The following BTC variants were observed in gnomAD, a reference collection of about 807,000 sequenced individuals.
BTC encodes the protein probetacellulin.
BTC carries 13 observed loss-of-function variants against 18.1 expected under a neutral mutation model. The observed-to-expected ratio is 0.72, with a 90% CI of 0.47 to 1.14. The LOEUF (loss-of-function observed/expected upper bound fraction) is 1.14. Among genes scored for constraint, BTC ranks in the 50% most tolerant of loss-of-function variants. BTC has a pLI of 0.00. For synonymous variants in BTC, 83 were observed against 79.4 expected (o/e 1.05, Z -0.24); for missense variants, 247 against 224.2 (o/e 1.10, Z -0.65).
At chr4:74,781,671 C>T (rs1725335446) in intron 1 of BTC, among the ~76,000 whole-genome samples, 1 of 150,736 alleles carries the variant, frequency 6.6e-6, no homozygotes, top group East Asian at 1.9e-4. Context: ...ATGTGTGCCA[C>T]AAATAATCTA....
chr4:74,765,476 C>A (rs769047304), intron 2 of BTC, among the ~76,000 whole-genome samples: 1 of 151,948 alleles, frequency 6.6e-6, no homozygotes, highest in African/African-American at 2.4e-5. Flanking sequence ...AGTGAAAAAG[C>A]TTAAAGGACT....
chr4:74,764,847 G>A (rs1724854933), intron 2 of BTC, among the ~76,000 whole-genome samples: 1 of 152,044 alleles, frequency 6.6e-6, no homozygotes, highest in Non-Finnish European at 1.5e-5. Flanking sequence ...ACTTATAAAG[G>A]AAAGAAGTTT....
At chr4:74,755,312 G>T (rs1424536183) in intron 3 of BTC, among the ~76,000 whole-genome samples, 1 of 152,148 alleles carries the variant, frequency 6.6e-6, no homozygotes, top group African/African-American at 2.4e-5. Context: ...GATGCAAAAA[G>T]AAATTTGTGT....
intron 1 of BTC, among the ~76,000 whole-genome samples, chr4:74,785,295 T>C (rs1341515698): frequency 6.6e-6 from 1 of 152,166 alleles, no homozygotes; most frequent in African/African-American, 2.4e-5. Context: ...TCTGATTGTG[T>C]TTATTTGATT....
chr4:74,767,602 C>T (rs929593152), intron 2 of BTC, among the ~76,000 whole-genome samples: 2 of 151,748 alleles, frequency 1.3e-5, no homozygotes, highest in African/African-American at 2.4e-5. Context: ...CTACAAAGGA[C>T]CCTGGATAGC....
intron 1 of BTC, among the ~76,000 whole-genome samples, chr4:74,789,021 ATC>A (rs1560726683): frequency 1.3e-5 from 2 of 152,238 alleles, no homozygotes; most frequent in African/African-American, 4.8e-5. Context: ...AAAAGTTCAC[ATC>A]AAGATCTCTG....
chr4:74,770,112 T>G lies in BTC; in HGVS notation c.109A>C (p.Arg37=). Residue 37 remains arginine, a synonymous_variant, in exon 2 of 6, where the codon AGA becomes CGA. Transcript: ENST00000395743. Reference sequence around the variant, plus strand: ...AGGAGGCCATTAGTTTCAGGACTTCTGGTGGAATTCCCATCTGCCACCACA... The same window carrying G: ...AGGAGGCCATTAGTTTCAGGACTTCGGGTGGAATTCCCATCTGCCACCACA... The part of the protein sequence containing the change: ...HCVVADGNST[R]SPETNGLLCG... 1 of 1,613,428 alleles carries G rather than the reference T, an allele frequency of 6.2e-7. No homozygotes were observed. Among genetic ancestry groups the G allele is most frequent in the Non-Finnish European group, 8.5e-7 (1 of 1,179,588 alleles).
intron 1 of BTC, among the ~76,000 whole-genome samples, chr4:74,787,355 A>G (rs1370597762): frequency 6.6e-6 from 1 of 152,196 alleles, no homozygotes; most frequent in Non-Finnish European, 1.5e-5. Flanking sequence ...TTTCATGGTT[A>G]TTTGACCTTG....
chr4:74,779,098 A>G (rs1725252258), intron 1 of BTC, among the ~76,000 whole-genome samples: 1 of 146,658 alleles, frequency 6.8e-6, no homozygotes, highest in Admixed American at 6.6e-5. Context: ...AAATTCAGAA[A>G]AATAAAATAT....
intron 4 of BTC, 34 bp downstream of exon 4, chr4:74,750,538 CA>C (rs781862446): frequency 6.3e-7 from 1 of 1,576,960 alleles, no homozygotes; most frequent in Non-Finnish European, 8.6e-7. Context: ...TACTGTTTCT[CA>C]GATTTACTTA....
Position 74,794,329 on chromosome 4 carries a change from C to T in BTC, c.-4G>A, listed in dbSNP as rs1370566252. On this transcript the variant is annotated 5_prime_UTR_variant, in exon 1 of 6. Coordinates refer to ENST00000395743, the MANE Select transcript of BTC (RefSeq NM_001729.4). ...TGCACCGGGCGGCCCGGTCCATCAA[C>T]CCCGCTCTGCCGGGCCGGGCAGCCC... The T allele has an allele frequency of 3.9e-6, 6 of 1,544,192 alleles. No homozygotes were observed. Among genetic ancestry groups the T allele is most frequent in the Non-Finnish European group, 5.2e-6 (6 of 1,144,816 alleles).
chr4:74,765,087 T>G (rs1724861334), intron 2 of BTC, among the ~76,000 whole-genome samples: 1 of 88,930 alleles, frequency 1.1e-5, no homozygotes. Context: ...TTTTCTCTAA[T>G]GCACAGACAC....
At chr4:74,750,497 G>C (rs1317617636) in intron 4 of BTC, 76 bp downstream of exon 4, 2 of 1,431,636 alleles carry the variant, frequency 1.4e-6, no homozygotes, top group East Asian at 4.7e-5. Context: ...AGAATGTAAA[G>C]AGGAAGAAAA....
At chr4:74,782,218 TATTA>T (rs991003834) in intron 1 of BTC, among the ~76,000 whole-genome samples, 1 of 152,100 alleles carries the variant, frequency 6.6e-6, no homozygotes, top group Non-Finnish European at 1.5e-5. Context: ...ATCACCTAGG[TATTA>T]AGCTCAACGT....
chr4:74,749,024 TC>T lies in BTC; in HGVS notation c.429-876del, dbSNP rs533783186. ...CTTTCAATTTTATAGTTAGAAAGTA[TC>T]TGACAGATTATTTGGTTTAACACTC... On this transcript the variant is annotated intron_variant, in intron 4 of 5. Transcript: ENST00000395743. 4.1e-3 allele frequency among the ~76,000 whole-genome samples: 621 copies of T among 152,308 alleles called. 3 individuals are homozygous for T. Among genetic ancestry groups the T allele is most frequent in the African/African-American group, 0.014 (591 of 41,560 alleles).
intron 1 of BTC, among the ~76,000 whole-genome samples, chr4:74,784,098 G>A (rs1481622763): frequency 6.6e-6 from 1 of 151,872 alleles, no homozygotes; most frequent in African/African-American, 2.4e-5. Context: ...TGGGTATGGT[G>A]GCAGGCACCT....
chr4:74,782,414 C>A (rs1170100948), intron 1 of BTC, among the ~76,000 whole-genome samples: 1 of 152,152 alleles, frequency 6.6e-6, no homozygotes, highest in East Asian at 1.9e-4. Flanking sequence ...TTTTTCATGT[C>A]CATGCAAAGA....
chr4:74,767,858 C>T (rs77420439), intron 2 of BTC, among the ~76,000 whole-genome samples: 1,561 of 152,088 alleles, frequency 0.01, 21 homozygotes, highest in African/African-American at 0.036. Context: ...AAATTGGACC[C>T]GCTTGTTATA....
intron 1 of BTC, among the ~76,000 whole-genome samples, chr4:74,780,700 C>A (rs1725294679): frequency 6.6e-6 from 1 of 152,046 alleles, no homozygotes; most frequent in Admixed American, 6.6e-5. Flanking sequence ...TATGCAATGT[C>A]TTTAATGCAA....
Sources: gnomAD v4.1 joint callset for allele counts (sites outside exome capture counted in the v4.1 genomes callset) on GRCh38, gnomAD v4.1.1 for gene constraint, MANE v1.5 for transcripts, NCBI Gene and HGNC (gene_info 2026-07-23, HGNC 2026-07-21) for gene names.